Variants in KIFC3 observed in about 807,000 individuals in gnomAD.
KIFC3 encodes the protein kinesin family member C3.
In KIFC3, 60 loss-of-function variants were observed where a neutral mutation model predicts 101.8. The ratio of observed to expected loss-of-function variants is 0.59; its 90% CI spans 0.48 to 0.73. The LOEUF (loss-of-function observed/expected upper bound fraction) is 0.73. Ranked by LOEUF, KIFC3 falls within the 30% of genes least tolerant of loss-of-function variation. KIFC3 has a pLI of 0.00. For synonymous variants in KIFC3, 476 were observed against 482.7 expected (o/e 0.99, Z 0.18); for missense variants, 966 against 1,137.1 (o/e 0.85, Z 2.16).
At chr16:57,785,041 A>G (rs782780160) in intron 3 of KIFC3, among the ~76,000 whole-genome samples, 2 of 152,198 alleles carry the variant, frequency 1.3e-5, no homozygotes, top group South Asian at 2.1e-4. Context: ...CGTCATGCCA[A>G]TCTCCTGTGG....
intron 3 of KIFC3, among the ~76,000 whole-genome samples, chr16:57,780,204 G>A (rs1190250585): frequency 2.6e-5 from 4 of 152,162 alleles, no homozygotes; most frequent in Admixed American, 2.0e-4. Flanking sequence ...GCTGCTGAAC[G>A]TTACTCTCAA....
rs538239901 is a variant in KIFC3, at chr16:57,857,314, C to A, written c.108+5415G>T. Among the ~76,000 whole-genome samples the A allele has an allele frequency of 3.5e-3, 536 of 152,174 alleles. 1 individual carries two copies. Among genetic ancestry groups the A allele is most frequent in the Non-Finnish European group, 6.1e-3 (414 of 68,014 alleles). On this transcript the variant is annotated intron_variant, in intron 1 of 2. Coordinates refer to the KIFC3 transcript ENST00000563028. ...CCTGTTTCCAAATCTTGTTCCAGGG[C>A]CCCTGACTTCAGCTTGGCCTCCTGA... is the stretch of plus-strand genomic sequence containing the variant.
In KIFC3 at chr16:57,798,143, C is replaced by T. The variant is rs200490664; in HGVS notation, c.101G>A (p.Arg34His). The stretch of plus-strand genomic sequence containing the variant: ...CGGGCTGGCTGGGGCTGGGGCGGGG[C>T]GAGCCATCCCCGGCTCGGGCTCCGG... Reference protein sequence around the residue: ...RAPEPEPGMARPAPAPASPAA... With the variant: ...RAPEPEPGMAHPAPAPASPAA... Residue 34 changes from arginine to histidine, a missense_variant, in exon 2 of 20, where the codon CGC (arginine) becomes CAC (histidine). Physicochemically the swap from Arg to His is conservative, Grantham distance 29. Coordinates refer to ENST00000445690, the MANE Select transcript of KIFC3 (RefSeq NM_001130100.2). The T allele has an allele frequency of 9.7e-6, 15 of 1,551,486 alleles. No homozygotes were observed. The highest frequency in any genetic ancestry group is 1.2e-5 in the South Asian group (1 of 83,896).
chr16:57,845,419 T>C (rs927443303), intron 1 of KIFC3, among the ~76,000 whole-genome samples: 4 of 152,202 alleles, frequency 2.6e-5, no homozygotes, highest in African/African-American at 9.6e-5. Context: ...AAGCCGTCTG[T>C]GGCCCCCATA....
chr16:57,850,099 AAT>A (rs1267435769), intron 1 of KIFC3, among the ~76,000 whole-genome samples: 2 of 151,170 alleles, frequency 1.3e-5, no homozygotes, highest in African/African-American at 4.9e-5. Context: ...TTCTCTAAAA[AAT>A]AAATAGTAAT....
intron 1 of KIFC3, among the ~76,000 whole-genome samples, chr16:57,813,237 C>T (rs1303111813): frequency 2.0e-5 from 3 of 151,808 alleles, no homozygotes; most frequent in East Asian, 1.9e-4. Context: ...CTGAGGCAGG[C>T]GAATCACTTG....
At position 57,798,160 on chromosome 16, in the gene KIFC3, G is replaced by C. The variant is rs1037446556; in HGVS notation, c.84C>G (p.Pro28=). The change falls in exon 2 of 20, where the codon CCC becomes CCG. Residue 28 remains proline, a synonymous_variant. Transcript: ENST00000445690. ...GGGCGGGGCGAGCCATCCCCGGCTC[G>C]GGCTCCGGGGCCCGGCCCACTCTCC... ...GLWRVGRAPE[P]EPGMARPAPA... 3.9e-6 allele frequency: 6 copies of C among 1,541,878 alleles called. No homozygotes were observed. Among genetic ancestry groups the C allele is most frequent in the East Asian group, 2.4e-5 (1 of 41,056 alleles).
chr16:57,817,067 G>A (rs990644093), intron 1 of KIFC3: 10 of 284,994 alleles, frequency 3.5e-5, no homozygotes, highest in Admixed American at 1.0e-4. Context: ...CAACAAAAAC[G>A]TATTCTCTCG....
chr16:57,848,070 G>GTTT (rs2055973007), intron 1 of KIFC3, among the ~76,000 whole-genome samples: 1 of 152,174 alleles, frequency 6.6e-6, no homozygotes, highest in Non-Finnish European at 1.5e-5. Context: ...ACAGGCGTGG[G>GTTT]CCACCATGCT....
rs1237238598 is a variant in KIFC3, at chr16:57,758,387, C to A, written c.*547G>T. 1 of 347,356 alleles carries A rather than the reference C, an allele frequency of 2.9e-6. No individual in the cohort carries two copies. Among genetic ancestry groups the A allele is most frequent in the Non-Finnish European group, 5.6e-6 (1 of 177,430 alleles). 21.5% of individuals were successfully genotyped at this position (347,356 alleles called of 1,614,324 possible). ...GCCTCTGCCAGCCATAAACACAGCA[C>A]GGCCCCGTGGCGGGAGGCCATGCGC... is the stretch of plus-strand genomic sequence containing the variant. On this transcript the variant is annotated 3_prime_UTR_variant, in exon 20 of 20. Transcript: ENST00000445690.
At chr16:57,830,236 C>CTTTTTTTTTTT (rs34842791) in intron 1 of KIFC3, among the ~76,000 whole-genome samples, 83 of 119,290 alleles carry the variant, frequency 7.0e-4, no homozygotes, top group Non-Finnish European at 9.8e-4. Flanking sequence ...TTTTTTCTTT[C>CTTTTTTTTTTT]TTTTTTTTTT....
chr16:57,772,138 G>A (rs2051321798), intron 4 of KIFC3, 85 bp downstream of exon 4: 4 of 1,166,390 alleles, frequency 3.4e-6, no homozygotes, highest in Non-Finnish European at 5.0e-6. Context: ...AGGAGAGAGA[G>A]GGTCGCACCC....
chr16:57,836,269 C>T (rs1165801748), intron 1 of KIFC3, among the ~76,000 whole-genome samples: 1 of 152,108 alleles, frequency 6.6e-6, no homozygotes, highest in Non-Finnish European at 1.5e-5. Context: ...CATTCCACTA[C>T]ACCCGGCTAA....
intron 2 of KIFC3, among the ~76,000 whole-genome samples, chr16:57,796,670 A>C (rs1456474202): frequency 2.0e-5 from 3 of 152,156 alleles, no homozygotes; most frequent in African/African-American, 7.2e-5. Flanking sequence ...ATGGTCATAT[A>C]ATCTTCATAA....
intron 10 of KIFC3, among the ~76,000 whole-genome samples, chr16:57,766,583 C>G (rs536646892): frequency 7.2e-5 from 11 of 152,306 alleles, no homozygotes; most frequent in Admixed American, 2.0e-4. Flanking sequence ...TGCCACCAAC[C>G]CAATGCTGCA....
chr16:57,860,245 G>A (rs2149341166), intron 1 of KIFC3, among the ~76,000 whole-genome samples: 1 of 152,126 alleles, frequency 6.6e-6, no homozygotes, highest in South Asian at 2.1e-4. Flanking sequence ...CCTGAAGTCA[G>A]GAGTTCAAGA....
upstream of KIFC3, chr16:57,802,668 A>C: frequency 4.2e-6 from 4 of 947,274 alleles, no homozygotes; most frequent in Non-Finnish European, 5.7e-6. The surrounding 1 kb of genome is among the most constrained non-coding windows in gnomAD (Gnocchi z 5.0). Flanking sequence ...TCCCACTCCC[A>C]CTCCTTCGCG....
chr16:57,778,193 T>C (rs2052340815), intron 3 of KIFC3, among the ~76,000 whole-genome samples: 1 of 152,070 alleles, frequency 6.6e-6, no homozygotes, highest in Non-Finnish European at 1.5e-5. Flanking sequence ...GGCGGGCAGA[T>C]CACTTGAGCC....
intron 1 of KIFC3, among the ~76,000 whole-genome samples, chr16:57,836,584 G>A (rs1018511270): frequency 3.9e-5 from 6 of 152,194 alleles, no homozygotes; most frequent in African/African-American, 1.4e-4. Context: ...CTGTCTAATC[G>A]AACTACCCCA....
Sources: gnomAD v4.1 joint callset for allele counts (sites outside exome capture counted in the v4.1 genomes callset) on GRCh38, gnomAD v4.1.1 for gene constraint, Gnocchi (gnomAD v3.1) non-coding constraint, MANE v1.5 for transcripts, NCBI Gene and HGNC (gene_info 2026-07-23, HGNC 2026-07-21) for gene names.